The following GALNT13 variants were observed in gnomAD, a reference collection of about 807,000 sequenced individuals.
GALNT13 encodes the protein polypeptide N-acetylgalactosaminyltransferase 13.
GALNT13 carries 28 observed loss-of-function variants against 64.2 expected under a neutral mutation model. That is an observed-to-expected ratio of 0.44 (90% CI 0.32 to 0.60). GALNT13 has a LOEUF of 0.60. Among genes scored for constraint, GALNT13 ranks in the 20% least tolerant of loss-of-function variants. The pLI, the probability that GALNT13 is intolerant of heterozygous loss-of-function variation, is 0.05. For synonymous variants in GALNT13, 214 were observed against 224.6 expected (o/e 0.95, Z 0.42); for missense variants, 577 against 669.8 (o/e 0.86, Z 1.53).
At chr2:154,145,862 T>C (rs1306834972) in intron 4 of GALNT13, among the ~76,000 whole-genome samples, 1 of 152,044 alleles carries the variant, frequency 6.6e-6, no homozygotes, top group Non-Finnish European at 1.5e-5. Context: ...AATTAAAATA[T>C]GATAAATGTA....
intron 9 of GALNT13, among the ~76,000 whole-genome samples, chr2:154,314,049 A>G (rs1694200814): frequency 6.6e-6 from 1 of 152,148 alleles, no homozygotes; most frequent in Non-Finnish European, 1.5e-5. Flanking sequence ...CACTTATGAA[A>G]AATGCATGGA....
the GALNT13 span, among the ~76,000 whole-genome samples, chr2:153,314,400 T>C: frequency 2.0e-5 from 3 of 152,234 alleles, no homozygotes; most frequent in Admixed American, 1.3e-4. Flanking sequence ...GGCAAAGAAG[T>C]AGGTGATTTG....
At chr2:153,837,479 C>A in the GALNT13 span, among the ~76,000 whole-genome samples, 1 of 152,008 alleles carries the variant, frequency 6.6e-6, no homozygotes, top group Non-Finnish European at 1.5e-5. Context: ...TTTTAGATTC[C>A]ATGTATTTAA....
chr2:153,459,649 C>T, the GALNT13 span, among the ~76,000 whole-genome samples: 3 of 152,084 alleles, frequency 2.0e-5, no homozygotes, highest in Non-Finnish European at 4.4e-5. Context: ...TAGTCATGAA[C>T]ACAAACAAAC....
rs1691563066 is a variant in GALNT13 at position 153,944,429 on chromosome 2, G to A, written c.-69G>A. ...CCTGCTTTCATCTTGGAGTTCACCTGTGTGGCTTGGATTTATCACAGTAGC... is the reference window on the plus strand; with the variant it reads ...CCTGCTTTCATCTTGGAGTTCACCTATGTGGCTTGGATTTATCACAGTAGC... On this transcript the variant is annotated 5_prime_UTR_variant, in exon 3 of 13. In the 5' UTR this introduces an upstream ATG that the reference lacks. Transcript: ENST00000392825. The A allele has an allele frequency of 6.9e-7, 1 of 1,439,722 alleles. No homozygotes were observed. The highest frequency in any genetic ancestry group is 9.6e-7 in the Non-Finnish European group (1 of 1,041,336). The allele number at this position is 1,439,722 out of a possible 1,614,324, so 89.2% of individuals were successfully genotyped here. A position where few individuals can be genotyped will look rare whatever the true frequency, so the allele number is the denominator to read the frequency against.
the GALNT13 span, among the ~76,000 whole-genome samples, chr2:153,647,196 G>T: frequency 5.3e-5 from 8 of 152,156 alleles, no homozygotes; most frequent in African/African-American, 1.9e-4. Context: ...GTTTTGATTT[G>T]CATTTCTCTG....
At chr2:153,469,923 G>T in the GALNT13 span, among the ~76,000 whole-genome samples, 1 of 152,030 alleles carries the variant, frequency 6.6e-6, no homozygotes, top group African/African-American at 2.4e-5. Context: ...GGTGCAAGGT[G>T]GTGGCAATAC....
the GALNT13 span, among the ~76,000 whole-genome samples, chr2:153,679,930 A>T: frequency 7.5e-4 from 114 of 151,852 alleles, 4 homozygotes; most frequent in Non-Finnish European, 2.2e-4. Flanking sequence ...TCATACCTGT[A>T]AAACAATTTC....
At chr2:153,288,307 G>T in the GALNT13 span, among the ~76,000 whole-genome samples, 1 of 152,134 alleles carries the variant, frequency 6.6e-6, no homozygotes, top group Admixed American at 6.5e-5. Context: ...ATATATGGAT[G>T]TATATACCTT....
the GALNT13 span, among the ~76,000 whole-genome samples, chr2:153,416,808 T>C: frequency 4.6e-5 from 7 of 152,170 alleles, no homozygotes; most frequent in African/African-American, 1.7e-4. Context: ...TCATGGAGCT[T>C]GCACTCTTAC....
chr2:153,423,826 A>G, the GALNT13 span, among the ~76,000 whole-genome samples: 1 of 151,566 alleles, frequency 6.6e-6, no homozygotes, highest in African/African-American at 2.4e-5. Context: ...TATAACAAAT[A>G]TATGAGTTCT....
At chr2:154,359,940 T>G (rs1228227390) in intron 9 of GALNT13, among the ~76,000 whole-genome samples, 1 of 152,140 alleles carries the variant, frequency 6.6e-6, no homozygotes, top group Non-Finnish European at 1.5e-5. Context: ...GTAGACTTAC[T>G]GAAAATGTAG....
the GALNT13 span, among the ~76,000 whole-genome samples, chr2:153,717,177 T>C: frequency 6.6e-6 from 1 of 152,186 alleles, no homozygotes; most frequent in Non-Finnish European, 1.5e-5. Flanking sequence ...CATCTCAAAA[T>C]AATAAACATT....
chr2:153,348,038 A>T, the GALNT13 span, among the ~76,000 whole-genome samples: 1 of 152,130 alleles, frequency 6.6e-6, no homozygotes. Flanking sequence ...GACAGTGGCC[A>T]CCCTAGAGTG....
the GALNT13 span, among the ~76,000 whole-genome samples, chr2:153,823,076 A>G: frequency 1.3e-5 from 2 of 152,234 alleles, no homozygotes; most frequent in African/African-American, 4.8e-5. Flanking sequence ...AAGGAAGTGA[A>G]AGTTCTGTAC....
the GALNT13 span, among the ~76,000 whole-genome samples, chr2:153,224,132 G>A: frequency 2.2e-4 from 34 of 152,222 alleles, no homozygotes; most frequent in South Asian, 5.2e-3. Context: ...TAAGCCAAAA[G>A]TAATCAGGAA....
At chr2:153,339,770 A>C in the GALNT13 span, among the ~76,000 whole-genome samples, 475 of 152,148 alleles carry the variant, frequency 3.1e-3, 17 homozygotes, top group East Asian at 0.084. Context: ...ATTTTTAGTT[A>C]TTTTTTAATA....
chr2:153,519,210 G>A, the GALNT13 span, among the ~76,000 whole-genome samples: 1 of 152,066 alleles, frequency 6.6e-6, no homozygotes, highest in Non-Finnish European at 1.5e-5. Flanking sequence ...CCATTTAAAC[G>A]GCTTGATTTA....
the GALNT13 span, among the ~76,000 whole-genome samples, chr2:153,710,250 C>A: frequency 6.6e-6 from 1 of 151,984 alleles, no homozygotes; most frequent in Non-Finnish European, 1.5e-5. Flanking sequence ...GAAATCCATA[C>A]AACCACAATT....
Sources: allele counts gnomAD v4.1 joint callset (sites outside exome capture counted in the v4.1 genomes callset), GRCh38; gene constraint gnomAD v4.1.1; transcripts MANE v1.5; gene names NCBI Gene and HGNC (gene_info 2026-07-23, HGNC 2026-07-21).